The following ZNF334 variants were observed in gnomAD, a reference collection of about 807,000 sequenced individuals.
ZNF334 encodes zinc finger protein 334.
A neutral mutation model predicts 12.4 loss-of-function variants in ZNF334; 14 were observed. That is an observed-to-expected ratio of 1.13 (90% confidence interval 0.74 to 1.76). The LOEUF is 1.76. ZNF334 is among the 40% of genes most tolerant of loss of function. The pLI, the probability that ZNF334 is intolerant of heterozygous loss-of-function variation, is 0.00. For synonymous variants in ZNF334, 273 were observed against 269.6 expected, an observed-to-expected ratio of 1.01 and a Z score of -0.12; for missense variants, 797 against 804.5, an observed-to-expected ratio of 0.99 and a Z score of 0.11.
chr20:46,503,457 G>A (rs1375965734), intron 4 of ZNF334, among the ~76,000 whole-genome samples: 1 of 152,188 alleles, frequency 6.6e-6, no homozygotes, highest in Non-Finnish European at 1.5e-5. Flanking sequence ...GGCTGATGGA[G>A]TGTTGAATAA....
the ZNF334 span, chr20:46,485,608 G>C: frequency 1.1e-4 from 17 of 152,102 alleles, no homozygotes; most frequent in Non-Finnish European, 1.9e-4. Flanking sequence ...AGAGATTTCA[G>C]AGAAACTTGT....
chr20:46,462,593 G>A, the ZNF334 span, among the ~76,000 whole-genome samples: 1 of 152,218 alleles, frequency 6.6e-6, no homozygotes, highest in African/African-American at 2.4e-5. Context: ...ATTGTAAACA[G>A]TAAATACAAT....
rs1021509904 is a variant in ZNF334 at position 46,513,138 on chromosome 20, C to T, written c.-637G>A. The T allele has an allele frequency of 2.0e-5, 3 of 152,284 alleles. No homozygotes were observed. Among genetic ancestry groups the T allele is most frequent in the Admixed American group, 2.0e-4 (3 of 15,280 alleles). The allele number at this position is 152,284 out of a possible 1,614,324, so 9.4% of individuals were successfully genotyped here. ...GAAAGTTGAACTGAACTTTGCTGAG[C>T]TATAATAATCAATGGCTGCAAGACT... On this transcript the variant is annotated 5_prime_UTR_variant, in exon 1 of 5. Coordinates refer to ENST00000692313, the MANE Select transcript of ZNF334 (RefSeq NM_001353824.2).
intron 2 of ZNF334, chr20:46,505,817 TC>T (rs1001919746): frequency 2.0e-5 from 3 of 153,240 alleles, no homozygotes; most frequent in African/African-American, 7.2e-5. Flanking sequence ...ACATTTGCTG[TC>T]CCCTACTCTA....
At chr20:46,495,963 G>A (rs2061015808), downstream of ZNF334, among the ~76,000 whole-genome samples, 1 of 152,148 alleles carries the variant, frequency 6.6e-6, no homozygotes, top group Non-Finnish European at 1.5e-5. Context: ...CCCCTGGGAA[G>A]GTCTGGAGGA....
At chr20:46,484,405 C>G in the ZNF334 span, 4,274 of 167,082 alleles carry the variant, frequency 0.026, 191 homozygotes, top group African/African-American at 0.095. Context: ...TGAAAGATAT[C>G]TACCAGAGGC....
chr20:46,494,165 G>GC, the ZNF334 span, among the ~76,000 whole-genome samples: 8 of 152,162 alleles, frequency 5.3e-5, no homozygotes, highest in Admixed American at 2.0e-4. Flanking sequence ...ATGTAATACT[G>GC]AATACATTTG....
chr20:46,512,046 T>C (rs751499634), intron 2 of ZNF334, 36 bp downstream of exon 2: 5 of 1,608,280 alleles, frequency 3.1e-6, no homozygotes, highest in South Asian at 1.1e-5. Flanking sequence ...TGAAATTCAC[T>C]GTATAATGTG....
chr20:46,484,021 C>G, the ZNF334 span, among the ~76,000 whole-genome samples: 32 of 152,168 alleles, frequency 2.1e-4, no homozygotes, highest in Non-Finnish European at 3.5e-4. Flanking sequence ...ATTTATAATA[C>G]TGGTCCAAAA....
At chr20:46,489,800 A>T in the ZNF334 span, among the ~76,000 whole-genome samples, 80 of 152,138 alleles carry the variant, frequency 5.3e-4, no homozygotes, top group Middle Eastern at 3.4e-3. Flanking sequence ...ATTCCACTAT[A>T]TCTATACATT....
chr20:46,477,987 T>C, the ZNF334 span, among the ~76,000 whole-genome samples: 4 of 152,350 alleles, frequency 2.6e-5, no homozygotes, highest in Non-Finnish European at 5.9e-5. Context: ...AAACAGACTA[T>C]TCTGAAATAG....
the ZNF334 span, among the ~76,000 whole-genome samples, chr20:46,489,649 CAAAAAA>C: frequency 1.1e-5 from 1 of 90,770 alleles, no homozygotes; most frequent in African/African-American, 4.1e-5. Context: ...CAGACTCTCT[CAAAAAA>C]AAAAAAAAAA....
intron 2 of ZNF334, chr20:46,506,505 A>G (rs2145977132): frequency 5.1e-6 from 2 of 395,606 alleles, no homozygotes; most frequent in East Asian, 7.2e-5. Flanking sequence ...GGCATGTGCT[A>G]CTCGGGTGGC....
intron 2 of ZNF334, among the ~76,000 whole-genome samples, chr20:46,509,170 T>C (rs1263289928): frequency 6.7e-6 from 1 of 149,318 alleles, no homozygotes; most frequent in African/African-American, 2.6e-5. Context: ...CATATCATTT[T>C]TAATTACTTT....
chr20:46,477,628 T>C, the ZNF334 span, among the ~76,000 whole-genome samples: 2 of 152,386 alleles, frequency 1.3e-5, no homozygotes, highest in South Asian at 2.1e-4. Context: ...TGAGCCGCCA[T>C]GGCTGGCCGA....
intron 4 of ZNF334, 124 bp from the exon 5 acceptor site, chr20:46,503,221 C>CA (rs1199268849): frequency 8.6e-7 from 1 of 1,161,852 alleles, no homozygotes; most frequent in African/African-American, 1.6e-5. Context: ...CAAGATTAAA[C>CA]AAATTTCAAG....
In ZNF334 at chr20:46,501,329, G is replaced by A. The variant is rs374140384; in HGVS notation, c.2010C>T (p.Asn670=). The A allele has an allele frequency of 6.2e-7, 1 of 1,611,688 alleles. No homozygotes were observed. The highest frequency in any genetic ancestry group is 8.5e-7 in the Non-Finnish European group (1 of 1,178,484). The part of the protein sequence containing the change: ...KCEKTFRHKS[N]FLLHQKSHKE Reference sequence around the variant, plus strand: ...TGTGGGATTTCTGATGTAAAAGAAAGTTTGATTTGTGGCGAAATGTTTTCT... The same window carrying A: ...TGTGGGATTTCTGATGTAAAAGAAAATTTGATTTGTGGCGAAATGTTTTCT... The change falls in exon 5 of 5, where the codon AAC becomes AAT. Residue 670 remains asparagine, a synonymous_variant. Coordinates refer to ENST00000692313, the MANE Select transcript of ZNF334 (RefSeq NM_001353824.2).
chr20:46,464,528 T>C, the ZNF334 span: 2 of 458,982 alleles, frequency 4.4e-6, no homozygotes, highest in East Asian at 1.0e-4. Flanking sequence ...GAGCTCCGTT[T>C]CCTTCTCATG....
chr20:46,463,895 A>G, the ZNF334 span: 11 of 474,974 alleles, frequency 2.3e-5, no homozygotes. Flanking sequence ...CAAGGTGGCT[A>G]CTGAGCCAAG....
Sources: allele counts gnomAD v4.1 joint callset (sites outside exome capture counted in the v4.1 genomes callset), GRCh38; gene constraint gnomAD v4.1.1; transcripts MANE v1.5; gene names NCBI Gene and HGNC (gene_info 2026-07-23, HGNC 2026-07-21).